Variants in PTPRA observed in about 807,000 individuals in gnomAD.
PTPRA encodes the protein protein tyrosine phosphatase receptor type A, also known as receptor-type tyrosine-protein phosphatase alpha.
In PTPRA, 25 loss-of-function variants were observed where a neutral mutation model predicts 104.8. The ratio of observed to expected loss-of-function variants is 0.24; its 90% confidence interval spans 0.17 to 0.33. The LOEUF (loss-of-function observed/expected upper bound fraction) is 0.33, where lower values mean the gene tolerates loss of function less well. Ranked by LOEUF, PTPRA falls within the 10% of genes least tolerant of loss-of-function variation. The pLI, the probability that PTPRA is intolerant of heterozygous loss-of-function variation, is 1.00. For synonymous variants in PTPRA, 323 were observed against 368.9 expected, an observed-to-expected ratio of 0.88 and a Z score of 1.43; for missense variants, 765 against 1,015.3, an observed-to-expected ratio of 0.75 and a Z score of 3.35.
chr20:2,983,619 CCA>C (rs747043176), intron 6 of PTPRA, among the ~76,000 whole-genome samples: 2 of 149,898 alleles, frequency 1.3e-5, no homozygotes, highest in East Asian at 3.9e-4. Context: ...AGATATATCT[CCA>C]AAATATATTA....
intron 2 of PTPRA, among the ~76,000 whole-genome samples, chr20:2,929,631 C>T (rs2060435814): frequency 6.6e-6 from 1 of 151,930 alleles, no homozygotes; most frequent in East Asian, 1.9e-4. Context: ...TTGAGACCAG[C>T]CTGGGAAACA....
At chr20:2,916,165 A>G (rs1027218780) in intron 1 of PTPRA, among the ~76,000 whole-genome samples, 2 of 151,658 alleles carry the variant, frequency 1.3e-5, no homozygotes, top group Non-Finnish European at 2.9e-5. Flanking sequence ...TCAGCCTCCC[A>G]AGTAGTTGGG....
chr20:2,983,531 G>A (rs1288561119), intron 6 of PTPRA, among the ~76,000 whole-genome samples: 1 of 147,006 alleles, frequency 6.8e-6, no homozygotes, highest in African/African-American at 2.6e-5. Context: ...GAGAGAGGAT[G>A]GAGGTTGGGA....
chr20:3,026,997 T>G (rs2065177473), intron 18 of PTPRA, 124 bp from the exon 19 acceptor site: 1 of 1,137,738 alleles, frequency 8.8e-7, no homozygotes, highest in African/African-American at 1.5e-5. Flanking sequence ...CCTAATGAGC[T>G]AGGAACAGAC....
intron 20 of PTPRA, 22 bp downstream of exon 20, chr20:3,027,863 T>A: frequency 1.2e-6 from 2 of 1,612,236 alleles, no homozygotes; most frequent in Non-Finnish European, 1.7e-6. Context: ...AGGTCCTGGG[T>A]GGTGAGAGAC....
chr20:2,884,731 C>T (rs2090272175), intron 1 of PTPRA, among the ~76,000 whole-genome samples: 2 of 151,706 alleles, frequency 1.3e-5, no homozygotes, highest in South Asian at 4.2e-4. Flanking sequence ...CAGCTGTTTG[C>T]GTGGACATAT....
At chr20:2,966,842 G>A (rs895827977) in intron 5 of PTPRA, among the ~76,000 whole-genome samples, 1 of 152,116 alleles carries the variant, frequency 6.6e-6, no homozygotes, top group Non-Finnish European at 1.5e-5. Context: ...CCAGTTCCAT[G>A]TTTATTCTTT....
chr20:2,882,157 A>C (rs2090091332), intron 1 of PTPRA, among the ~76,000 whole-genome samples: 1 of 152,250 alleles, frequency 6.6e-6, no homozygotes, highest in African/African-American at 2.4e-5. Flanking sequence ...TATAGAAAAC[A>C]TTGCTGAATA....
At chr20:3,021,191 T>C in intron 13 of PTPRA, 118 bp from the exon 14 acceptor site, 6 of 1,410,512 alleles carry the variant, frequency 4.3e-6, no homozygotes, top group Non-Finnish European at 5.8e-6. Context: ...AGAGAAGAGG[T>C]CAAAGGGCCT....
At chr20:2,872,827 A>G (rs1805529124), upstream of PTPRA, among the ~76,000 whole-genome samples, 1 of 152,144 alleles carries the variant, frequency 6.6e-6, no homozygotes, top group African/African-American at 2.4e-5. This position sits in a 1 kb window ranked among gnomAD's most constrained non-coding sequence, Gnocchi z 7.9. Flanking sequence ...GCGTATCGCA[A>G]AAGGCACCTC....
intron 17 of PTPRA, 25 bp from the exon 18 acceptor site, chr20:3,026,661 TG>T: frequency 6.4e-7 from 1 of 1,554,772 alleles, no homozygotes; most frequent in Non-Finnish European, 8.9e-7. Context: ...GGATCAGTAA[TG>T]TTTCCCCTCC....
At chr20:2,956,193 AC>A (rs1201306721) in intron 3 of PTPRA, among the ~76,000 whole-genome samples, 1 of 151,920 alleles carries the variant, frequency 6.6e-6, no homozygotes, top group Non-Finnish European at 1.5e-5. Context: ...CTTACTTCAA[AC>A]CCCACCAGTT....
chr20:2,944,556 A>G (rs1478690232), intron 2 of PTPRA, among the ~76,000 whole-genome samples: 1 of 152,200 alleles, frequency 6.6e-6, no homozygotes, highest in African/African-American at 2.4e-5. Flanking sequence ...TGAGGTATCA[A>G]CTTGGAAGAC....
intron 1 of PTPRA, among the ~76,000 whole-genome samples, chr20:2,897,743 GT>G (rs2059066597): frequency 6.6e-6 from 1 of 151,806 alleles, no homozygotes; most frequent in Non-Finnish European, 1.5e-5. Context: ...TTTTGTCTTT[GT>G]TTTTGTTTGT....
At chr20:2,944,467 A>G (rs2061050314) in intron 2 of PTPRA, among the ~76,000 whole-genome samples, 2 of 152,110 alleles carry the variant, frequency 1.3e-5, no homozygotes, top group South Asian at 2.1e-4. Flanking sequence ...CTCTCTCTTA[A>G]CGTAAGGAAG....
At chr20:2,978,161 T>C (rs746654981) in intron 6 of PTPRA, among the ~76,000 whole-genome samples, 1 of 152,054 alleles carries the variant, frequency 6.6e-6, no homozygotes. Flanking sequence ...AGTTGGAGCA[T>C]CTCCTGAAGA....
chr20:3,028,183 C>A (rs6138983), intron 20 of PTPRA, among the ~76,000 whole-genome samples: 1 of 149,812 alleles, frequency 6.7e-6, no homozygotes, highest in Non-Finnish European at 1.5e-5. Flanking sequence ...GTGCCCCAGG[C>A]GGGGGGGGCA....
At chr20:3,029,636 T>A (rs1229880054) in intron 20 of PTPRA, among the ~76,000 whole-genome samples, 1 of 146,786 alleles carries the variant, frequency 6.8e-6, no homozygotes, top group Non-Finnish European at 1.5e-5. Context: ...TCCCAGGTTC[T>A]GGCAATTCTC....
intron 1 of PTPRA, among the ~76,000 whole-genome samples, chr20:2,913,550 T>G (rs1600104384): frequency 1.3e-5 from 2 of 152,206 alleles, no homozygotes; most frequent in Non-Finnish European, 2.9e-5. Context: ...CTTGACACTT[T>G]TGAAGATTAC....
Sources: gnomAD v4.1 joint callset for allele counts (sites outside exome capture counted in the v4.1 genomes callset) on GRCh38, gnomAD v4.1.1 for gene constraint, Gnocchi (gnomAD v3.1) non-coding constraint, MANE v1.5 for transcripts, NCBI Gene and HGNC (gene_info 2026-07-23, HGNC 2026-07-21) for gene names.